The following GULP1 variants were observed in gnomAD, a reference collection of about 807,000 sequenced individuals.
GULP1 encodes GULP PTB domain containing engulfment adaptor 1.
A neutral mutation model predicts 40.9 loss-of-function variants in GULP1; 19 were observed. That is an observed-to-expected ratio of 0.46 (90% confidence interval 0.32 to 0.68). The LOEUF (loss-of-function observed/expected upper bound fraction) is 0.68, where lower values mean the gene tolerates loss of function less well. GULP1 is among the 30% of genes least tolerant of loss of function. The pLI, the probability that GULP1 is intolerant of heterozygous loss-of-function variation, is 0.03. For synonymous variants in GULP1, 119 were observed against 117.6 expected, an observed-to-expected ratio of 1.01 and a Z score of -0.08; for missense variants, 312 against 362.2, an observed-to-expected ratio of 0.86 and a Z score of 1.12.
intron 1 of GULP1, among the ~76,000 whole-genome samples, chr2:188,304,431 T>C (rs746902636): frequency 5.3e-5 from 8 of 152,178 alleles, no homozygotes; most frequent in Non-Finnish European, 1.2e-4. Flanking sequence ...CTAAGCATCA[T>C]GTTAAATGTT....
At chr2:188,303,879 A>G (rs981075080) in intron 1 of GULP1, among the ~76,000 whole-genome samples, 1 of 152,180 alleles carries the variant, frequency 6.6e-6, no homozygotes, top group African/African-American at 2.4e-5. Flanking sequence ...TGGGGAAGCT[A>G]GGCAAGGGAG....
intron 1 of GULP1, among the ~76,000 whole-genome samples, chr2:188,366,008 C>T (rs1372808421): frequency 6.6e-6 from 1 of 152,108 alleles, no homozygotes; most frequent in Non-Finnish European, 1.5e-5. Flanking sequence ...CAATGTCCAG[C>T]AGGGAAGGAA....
chr2:188,410,382 A>G (rs1300648241), intron 2 of GULP1, among the ~76,000 whole-genome samples: 2 of 152,184 alleles, frequency 1.3e-5, no homozygotes, highest in Admixed American at 6.5e-5. Context: ...ATAGCCAAGG[A>G]AACAATCAAC....
rs535109936 is a variant in GULP1 at position 188,377,506 on chromosome 2, A to G, written c.-171-6257A>G. 3.4e-3 allele frequency among the ~76,000 whole-genome samples: 515 copies of G among 152,268 alleles called. 3 individuals are homozygous for G. Among genetic ancestry groups the G allele is most frequent in the Non-Finnish European group, 5.8e-3 (394 of 68,026 alleles). On this transcript the variant is annotated intron_variant, in intron 1 of 11. Transcript: ENST00000409830. ...TGTATGACTTAGGAGAATTGGCCAT[A>G]TTTGTATCTCCAGGAATACTGCCTG...
chr2:188,425,805 T>G (rs1319354444), intron 2 of GULP1, among the ~76,000 whole-genome samples: 2 of 152,176 alleles, frequency 1.3e-5, no homozygotes, highest in Non-Finnish European at 2.9e-5. Flanking sequence ...GGTATTACAG[T>G]CAAATTATTA....
rs141933400 is a variant in GULP1 at position 188,535,512 on chromosome 2, A to G, written c.262-5669A>G. Among the ~76,000 whole-genome samples the G allele has an allele frequency of 4.9e-4, 75 of 152,214 alleles. 1 individual carries two copies. In the East Asian group the frequency reaches 0.014, roughly 29 times the overall value. On this transcript the variant is annotated intron_variant, in intron 6 of 11. Transcript: ENST00000409830. ...GCAGTATCCATTTTCTGGAAAGGAC[A>G]TGATTTTGTTCTTTTTGTGGCTGCA...
rs1178333415 is a variant in GULP1 at position 188,528,790 on chromosome 2, A to G, written c.163-307A>G. On this transcript the variant is annotated intron_variant, in intron 5 of 11. Coordinates refer to ENST00000409830, the MANE Select transcript of GULP1 (RefSeq NM_016315.4). The stretch of plus-strand genomic sequence containing the variant: ...CACAGAAAAACAAACTGATCTCTAC[A>G]TATCTTCCCACAAAGTATTTTGAGT... Among the ~76,000 whole-genome samples, 7 of 152,150 alleles carry G rather than the reference A, an allele frequency of 4.6e-5. No homozygotes were observed. In the South Asian group the frequency reaches 1.2e-3, roughly 27 times the overall value.
At chr2:188,520,849 A>T (rs913445603) in intron 4 of GULP1, among the ~76,000 whole-genome samples, 1 of 152,192 alleles carries the variant, frequency 6.6e-6, no homozygotes, top group African/African-American at 2.4e-5. Flanking sequence ...TTACATTTTA[A>T]CCAACGCTCT....
intron 1 of GULP1, among the ~76,000 whole-genome samples, chr2:188,317,416 G>A (rs2039266788): frequency 1.3e-5 from 2 of 152,130 alleles, no homozygotes; most frequent in Admixed American, 1.3e-4. Flanking sequence ...GATCTGGGGA[G>A]TCTAAGAAGC....
At chr2:188,298,532 CAA>C (rs1312234328) in intron 1 of GULP1, among the ~76,000 whole-genome samples, 3 of 152,090 alleles carry the variant, frequency 2.0e-5, no homozygotes, top group African/African-American at 7.2e-5. Flanking sequence ...TTTAGAGTAA[CAA>C]TGGCTATTGC....
chr2:188,341,104 C>T (rs958337912), intron 1 of GULP1, among the ~76,000 whole-genome samples: 2 of 152,004 alleles, frequency 1.3e-5, no homozygotes, highest in African/African-American at 2.4e-5. Flanking sequence ...GGCTGTGGTT[C>T]CGGGCTTGAG....
At chr2:188,532,185 C>T (rs543632769) in intron 6 of GULP1, among the ~76,000 whole-genome samples, 15 of 152,218 alleles carry the variant, frequency 9.9e-5, no homozygotes, top group African/African-American at 2.6e-4. Flanking sequence ...AATTTCACTA[C>T]GTTCATATAC....
intron 5 of GULP1, among the ~76,000 whole-genome samples, chr2:188,527,329 G>A (rs1179982573): frequency 2.0e-5 from 3 of 152,128 alleles, no homozygotes; most frequent in African/African-American, 7.2e-5. Context: ...CAGCACCTAG[G>A]AAACCAGCTG....
intron 1 of GULP1, among the ~76,000 whole-genome samples, chr2:188,376,526 C>G (rs1483422233): frequency 6.6e-6 from 1 of 152,068 alleles, no homozygotes; most frequent in Non-Finnish European, 1.5e-5. Flanking sequence ...GGCCATAAGC[C>G]ATAAGGTTTT....
intron 6 of GULP1, among the ~76,000 whole-genome samples, chr2:188,536,759 G>C (rs571998436): frequency 4.6e-5 from 7 of 152,132 alleles, no homozygotes; most frequent in Admixed American, 4.6e-4. Context: ...CATTGAATCT[G>C]TATTGTTTGG....
chr2:188,305,817 G>A (rs571691082), intron 1 of GULP1, among the ~76,000 whole-genome samples: 1 of 152,030 alleles, frequency 6.6e-6, no homozygotes, highest in East Asian at 1.9e-4. Flanking sequence ...TTGTTCTGTC[G>A]CCCAGGCTGG....
intron 7 of GULP1, among the ~76,000 whole-genome samples, 153 bp from the exon 8 acceptor site, chr2:188,569,086 C>T (rs765866263): frequency 2.0e-5 from 3 of 151,884 alleles, no homozygotes; most frequent in Non-Finnish European, 2.9e-5. Context: ...TACTACCTTG[C>T]TCATTTAATA....
chr2:188,404,438 C>T (rs1393978789), intron 2 of GULP1, among the ~76,000 whole-genome samples: 1 of 152,192 alleles, frequency 6.6e-6, no homozygotes, highest in African/African-American at 2.4e-5. Context: ...GACAGATACT[C>T]TCTACTTGGG....
At chr2:188,418,429 C>T (rs1335698318) in intron 2 of GULP1, among the ~76,000 whole-genome samples, 5 of 151,984 alleles carry the variant, frequency 3.3e-5, no homozygotes, top group Admixed American at 2.0e-4. Flanking sequence ...GTCAGGAGTT[C>T]GAGACCAGCC....
Sources: gnomAD v4.1 joint callset for allele counts (sites outside exome capture counted in the v4.1 genomes callset) on GRCh38, gnomAD v4.1.1 for gene constraint, MANE v1.5 for transcripts, NCBI Gene and HGNC (gene_info 2026-07-23, HGNC 2026-07-21) for gene names.